The following RABGAP1L variants were observed in gnomAD, a reference collection of about 807,000 sequenced individuals.
RABGAP1L encodes RAB GTPase activating protein 1 like.
Under a neutral mutation model 137.7 loss-of-function variants are expected in RABGAP1L, and 63 were observed. That is an observed-to-expected ratio of 0.46 (90% CI 0.37 to 0.56). The LOEUF (loss-of-function observed/expected upper bound fraction) is 0.56. Among genes scored for constraint, RABGAP1L ranks in the 20% least tolerant of loss-of-function variants. The pLI is 0.00. For synonymous variants in RABGAP1L, 431 were observed against 433.7 expected (o/e 0.99, Z 0.08); for missense variants, 1,095 against 1,244.0 (o/e 0.88, Z 1.80).
intron 18 of RABGAP1L, among the ~76,000 whole-genome samples, chr1:174,765,420 T>A (rs1344062085): frequency 2.6e-5 from 4 of 152,178 alleles, no homozygotes; most frequent in African/African-American, 9.7e-5. Context: ...TCCTGCACTT[T>A]TATTGTTGAG....
At chr1:174,801,677 C>T (rs1350434803) in intron 18 of RABGAP1L, among the ~76,000 whole-genome samples, 1 of 152,140 alleles carries the variant, frequency 6.6e-6, no homozygotes, top group Non-Finnish European at 1.5e-5. Context: ...GAGCTGAAGA[C>T]ATGTGTTTTA....
intron 13 of RABGAP1L, among the ~76,000 whole-genome samples, chr1:174,543,662 G>A (rs192166040): frequency 2.5e-3 from 373 of 152,242 alleles, no homozygotes; most frequent in Admixed American, 4.0e-3. Context: ...TATTTTGCTC[G>A]TTAGTTGATG....
Position 174,902,831 on chromosome 1 carries a change from T to G in RABGAP1L, c.2341-54626T>G, listed in dbSNP as rs186880115. Among the ~76,000 whole-genome samples the G allele has an allele frequency of 3.3e-5, 5 of 152,324 alleles. No homozygotes were observed. The East Asian group carries it at 7.7e-4, about 23-fold the overall frequency. ...TTCTCTCTGGGTCAGGTGGTTTGCC[T>G]AGTCAGTCCCAGTGTAACCACCTGG... is the stretch of plus-strand genomic sequence containing the variant. On this transcript the variant is annotated intron_variant, in intron 19 of 25. Coordinates refer to ENST00000681986, the MANE Select transcript of RABGAP1L (RefSeq NM_001366446.1).
intron 17 of RABGAP1L, among the ~76,000 whole-genome samples, chr1:174,704,432 A>G (rs1368313302): frequency 2.6e-5 from 4 of 152,244 alleles, no homozygotes; most frequent in African/African-American, 9.6e-5. Context: ...TTATATATGC[A>G]GGCAAGGCTG....
intron 18 of RABGAP1L, among the ~76,000 whole-genome samples, chr1:174,764,435 T>G (rs140601497): frequency 6.6e-6 from 1 of 152,312 alleles, no homozygotes; most frequent in East Asian, 1.9e-4. Context: ...AACGTATAAG[T>G]ATGTTGTAAG....
chr1:174,978,548 G>A (rs1670838095), intron 22 of RABGAP1L, among the ~76,000 whole-genome samples: 1 of 152,136 alleles, frequency 6.6e-6, no homozygotes, highest in Non-Finnish European at 1.5e-5. Flanking sequence ...AATATGTTTA[G>A]AAGTAGCAAG....
At chr1:174,582,430 G>C (rs1423409162) in intron 13 of RABGAP1L, among the ~76,000 whole-genome samples, 2 of 152,098 alleles carry the variant, frequency 1.3e-5, no homozygotes, top group African/African-American at 4.8e-5. Flanking sequence ...TGGAGCCCAT[G>C]AAGGAAGAGG....
intron 19 of RABGAP1L, among the ~76,000 whole-genome samples, chr1:174,830,945 A>T (rs1384691013): frequency 6.7e-6 from 1 of 148,172 alleles, no homozygotes; most frequent in East Asian, 2.1e-4. Flanking sequence ...TATGATACTG[A>T]TTCTATCATA....
At chr1:174,579,963 G>A (rs188841039) in intron 13 of RABGAP1L, among the ~76,000 whole-genome samples, 3 of 152,168 alleles carry the variant, frequency 2.0e-5, no homozygotes, top group African/African-American at 4.8e-5. Flanking sequence ...GTTTCACCAT[G>A]TTGGCCAGGC....
chr1:174,963,642 A>G (rs1270936554), intron 20 of RABGAP1L, among the ~76,000 whole-genome samples: 1 of 151,734 alleles, frequency 6.6e-6, no homozygotes, highest in Non-Finnish European at 1.5e-5. Flanking sequence ...TGATTTGTGT[A>G]CTAGAGTAGA....
At chr1:174,873,217 C>T (rs1175813532) in intron 19 of RABGAP1L, among the ~76,000 whole-genome samples, 2 of 151,972 alleles carry the variant, frequency 1.3e-5, no homozygotes, top group Admixed American at 6.5e-5. Context: ...TACAGGCACA[C>T]ACCACCATGC....
rs980658363 is a variant in RABGAP1L at position 174,319,019 on chromosome 1, C to T, written c.1465+13892C>T. On this transcript the variant is annotated intron_variant, in intron 11 of 25. Transcript: ENST00000681986. ...GTAAGTGATTTACATACTGCCATTA[C>T]AGTATTGCATATTTTGTATATTTTA... is the stretch of plus-strand genomic sequence containing the variant. Among the ~76,000 whole-genome samples, 3 of 152,042 alleles carry T rather than the reference C, an allele frequency of 2.0e-5. No individual in the cohort carries two copies. In the East Asian group the frequency reaches 5.8e-4, roughly 29 times the overall value.
intron 19 of RABGAP1L, among the ~76,000 whole-genome samples, chr1:174,909,421 A>G (rs971994877): frequency 2.0e-5 from 3 of 152,104 alleles, no homozygotes; most frequent in Non-Finnish European, 4.4e-5. Context: ...GAGATGAAGT[A>G]TCACTGTGTT....
At position 174,703,686 on chromosome 1, in the gene RABGAP1L, A is replaced by G. The variant is rs1418515347; in HGVS notation, c.2169+1430A>G. On this transcript the variant is annotated intron_variant, in intron 17 of 25. Transcript: ENST00000681986. ...CCATACTGTTTTCCATAGAGGTTATACTAATTTACATTCTCACCAGCAGTG... is the reference window on the plus strand; with the variant it reads ...CCATACTGTTTTCCATAGAGGTTATGCTAATTTACATTCTCACCAGCAGTG... Among the ~76,000 whole-genome samples the G allele has an allele frequency of 3.9e-5, 6 of 152,194 alleles. No individual in the cohort carries two copies. The East Asian group carries it at 9.6e-4, about 24-fold the overall frequency.
At chr1:174,166,749 CCTTG>C (rs1664945156) in intron 1 of RABGAP1L, among the ~76,000 whole-genome samples, 1 of 152,306 alleles carries the variant, frequency 6.6e-6, no homozygotes, top group Admixed American at 6.5e-5. Flanking sequence ...TTTGAAGAAG[CCTTG>C]CTTCTCTTTG....
intron 13 of RABGAP1L, among the ~76,000 whole-genome samples, chr1:174,503,973 T>C (rs1233058910): frequency 6.7e-6 from 1 of 149,264 alleles, no homozygotes. Flanking sequence ...CTTTTTTTTT[T>C]CTTTTCTTTT....
intron 18 of RABGAP1L, among the ~76,000 whole-genome samples, chr1:174,808,729 C>G (rs1689581472): frequency 6.6e-6 from 1 of 151,624 alleles, no homozygotes; most frequent in African/African-American, 2.4e-5. Flanking sequence ...TCTCGGCTCT[C>G]TGCAACCTCC....
At chr1:174,209,353 GA>G (rs1668712177) in intron 1 of RABGAP1L, among the ~76,000 whole-genome samples, 1 of 152,128 alleles carries the variant, frequency 6.6e-6, no homozygotes, top group South Asian at 2.1e-4. Flanking sequence ...CCCTGGACCA[GA>G]GGGGAGCCCT....
chr1:174,849,567 C>G (rs1190424156), intron 19 of RABGAP1L: 4 of 342,692 alleles, frequency 1.2e-5, no homozygotes, highest in African/African-American at 6.5e-5. Context: ...AGTATGCTCT[C>G]ACAATTAGCA....
Sources: allele counts gnomAD v4.1 joint callset (sites outside exome capture counted in the v4.1 genomes callset), GRCh38; gene constraint gnomAD v4.1.1; transcripts MANE v1.5; gene names NCBI Gene and HGNC (gene_info 2026-07-23, HGNC 2026-07-21).